RAB3GAP1: variants seen among roughly 807,000 people sequenced by gnomAD.
The protein encoded by RAB3GAP1 is rab3 GTPase-activating protein catalytic subunit.
In RAB3GAP1, 86 loss-of-function variants were observed where a neutral mutation model predicts 130.7. The observed-to-expected ratio is 0.66, with a 90% CI of 0.55 to 0.79. The LOEUF (loss-of-function observed/expected upper bound fraction) is 0.79, where lower values mean the gene tolerates loss of function less well. RAB3GAP1 is among the 30% of genes least tolerant of loss of function. The pLI is 0.00. For missense variants in RAB3GAP1, 1,029 were observed against 1,169.4 expected (o/e 0.88, Z 1.75); for synonymous variants, 367 against 401.7 (o/e 0.91, Z 1.03).
intron 18 of RAB3GAP1, 129 bp downstream of exon 18, chr2:135,150,635 T>C: frequency 3.4e-6 from 4 of 1,179,552 alleles, no homozygotes; most frequent in Non-Finnish European, 3.7e-6. Context: ...TCATTAGTAG[T>C]TCAACACTCT....
rs999881397 is a variant in RAB3GAP1, at chr2:135,169,935, T to G, written c.*1154T>G. ...AGCATAAACCTTGCCTGTGTAATTT[T>G]AAAAAATTAATAGAGCTGTGCAAAC... On this transcript the variant is annotated 3_prime_UTR_variant, in exon 24 of 24. Coordinates refer to ENST00000264158, the MANE Select transcript of RAB3GAP1 (RefSeq NM_012233.3). 3.2e-6 allele frequency: 1 copy of G among 309,252 alleles called. No homozygotes were observed. The highest frequency in any genetic ancestry group is 2.2e-5 in the African/African-American group (1 of 44,994). The allele number at this position is 309,252 out of a possible 1,614,324, so 19.2% of individuals were successfully genotyped here.
chr2:135,057,578 G>T (rs1024046962), intron 2 of RAB3GAP1, among the ~76,000 whole-genome samples: 1 of 152,080 alleles, frequency 6.6e-6, no homozygotes, highest in African/African-American at 2.4e-5. Context: ...TTGTATTTGT[G>T]CTGGGCTGGT....
At chr2:135,115,143 T>A in intron 6 of RAB3GAP1, 73 bp from the exon 7 acceptor site, 2 of 1,420,696 alleles carry the variant, frequency 1.4e-6, no homozygotes, top group Non-Finnish European at 2.0e-6. Context: ...TAAAATAATT[T>A]GGAAAAAATT....
At chr2:135,140,112 T>C (rs1018626867) in intron 17 of RAB3GAP1, among the ~76,000 whole-genome samples, 1 of 152,250 alleles carries the variant, frequency 6.6e-6, no homozygotes, top group Non-Finnish European at 1.5e-5. Context: ...TTCTATTCTA[T>C]GAATTTGTCA....
At chr2:135,105,660 TGG>T in intron 5 of RAB3GAP1, among the ~76,000 whole-genome samples, 1 of 151,996 alleles carries the variant, frequency 6.6e-6, no homozygotes, top group Non-Finnish European at 1.5e-5. Flanking sequence ...CCACCCCATC[TGG>T]GAAGTGAGGA....
chr2:135,173,475 A>C (rs374637197), downstream of RAB3GAP1, among the ~76,000 whole-genome samples: 9 of 152,308 alleles, frequency 5.9e-5, no homozygotes, highest in Non-Finnish European at 1.2e-4. Flanking sequence ...AATGCCACTG[A>C]GATGACAAGT....
At chr2:135,095,347 C>T (rs62170162) in intron 5 of RAB3GAP1, among the ~76,000 whole-genome samples, 6,409 of 152,272 alleles carry the variant, frequency 0.042, 161 homozygotes, top group African/African-American at 0.056. Flanking sequence ...CGCGCCCGGC[C>T]GCAGGCAGGC....
chr2:135,072,945 G>C (rs888570228), intron 3 of RAB3GAP1, among the ~76,000 whole-genome samples: 1 of 152,188 alleles, frequency 6.6e-6, no homozygotes, highest in Non-Finnish European at 1.5e-5. Context: ...TTTCCTGCTA[G>C]GGTCTGTCTG....
chr2:135,158,377 A>T (rs1692375105), intron 19 of RAB3GAP1, among the ~76,000 whole-genome samples: 1 of 152,164 alleles, frequency 6.6e-6, no homozygotes, highest in African/African-American at 2.4e-5. Flanking sequence ...GAAGTGCTTT[A>T]AAAAAAGATG....
intron 23 of RAB3GAP1, chr2:135,167,715 T>G: frequency 6.7e-7 from 1 of 1,488,234 alleles, no homozygotes; most frequent in Non-Finnish European, 9.1e-7. Flanking sequence ...TCTGATGAGG[T>G]AACAAAATAG....
intron 11 of RAB3GAP1, 56 bp downstream of exon 11, chr2:135,126,712 T>C (rs1221802824): frequency 1.5e-6 from 2 of 1,377,518 alleles, no homozygotes; most frequent in East Asian, 4.6e-5. Context: ...AACTTCCAAA[T>C]CGGAGACACT....
intron 5 of RAB3GAP1, among the ~76,000 whole-genome samples, chr2:135,104,251 A>G (rs1199169350): frequency 1.3e-5 from 2 of 152,224 alleles, no homozygotes; most frequent in Non-Finnish European, 2.9e-5. Flanking sequence ...AAGTTATGAA[A>G]TACAAACAAA....
chr2:135,098,399 A>G (rs899126250), intron 5 of RAB3GAP1, among the ~76,000 whole-genome samples: 1 of 152,232 alleles, frequency 6.6e-6, no homozygotes, highest in Non-Finnish European at 1.5e-5. Context: ...TGTCTTTTCT[A>G]GAACAAAAGT....
At chr2:135,088,389 A>G (rs1050804946) in intron 3 of RAB3GAP1, among the ~76,000 whole-genome samples, 1 of 152,010 alleles carries the variant, frequency 6.6e-6, no homozygotes, top group Non-Finnish European at 1.5e-5. Context: ...ACCCCACACA[A>G]AAAAAATTAT....
intron 19 of RAB3GAP1, among the ~76,000 whole-genome samples, chr2:135,154,299 A>G (rs191232392): frequency 6.6e-6 from 1 of 152,322 alleles, no homozygotes; most frequent in East Asian, 1.9e-4. Context: ...TCAATAAATT[A>G]TGGTATATCC....
chr2:135,127,364 G>C (rs1472875892), intron 11 of RAB3GAP1, among the ~76,000 whole-genome samples: 1 of 149,756 alleles, frequency 6.7e-6, no homozygotes, highest in Non-Finnish European at 1.5e-5. Flanking sequence ...TTTGTTTTGA[G>C]AGGGAGTCTC....
intron 3 of RAB3GAP1, among the ~76,000 whole-genome samples, chr2:135,072,466 A>G (rs2104844059): frequency 6.6e-6 from 1 of 152,358 alleles, no homozygotes; most frequent in Non-Finnish European, 1.5e-5. Flanking sequence ...TTGGAAGCCC[A>G]TTTGGGTAAC....
intron 19 of RAB3GAP1, among the ~76,000 whole-genome samples, chr2:135,158,506 C>A (rs1188291139): frequency 6.6e-6 from 1 of 152,106 alleles, no homozygotes; most frequent in African/African-American, 2.4e-5. Flanking sequence ...AATAGGAATT[C>A]TTGGAACCAT....
At chr2:135,162,376 A>G in intron 19 of RAB3GAP1, 179 bp from the exon 20 acceptor site, 3 of 649,600 alleles carry the variant, frequency 4.6e-6, no homozygotes, top group Admixed American at 2.3e-5. Context: ...ATTATTAAAG[A>G]TTGAAGTTCT....
Sources: allele counts gnomAD v4.1 joint callset (sites outside exome capture counted in the v4.1 genomes callset), GRCh38; gene constraint gnomAD v4.1.1; transcripts MANE v1.5; gene names NCBI Gene and HGNC (gene_info 2026-07-23, HGNC 2026-07-21).